The following RP1 variants were observed in gnomAD, a reference collection of about 807,000 sequenced individuals.
The protein encoded by RP1 is RP1 axonemal microtubule associated, also known as oxygen-regulated protein 1.
A neutral mutation model predicts 14.8 loss-of-function variants in RP1; 16 were observed. That is an observed-to-expected ratio of 1.08 (90% CI 0.73 to 1.65). The LOEUF is 1.65. Among genes scored for constraint, RP1 ranks in the 40% most tolerant of loss-of-function variants. The pLI is 0.00. For missense variants in RP1, 2,631 were observed against 2,535.0 expected (o/e 1.04, Z -0.81); for synonymous variants, 876 against 883.6 (o/e 0.99, Z 0.15).
intron 24 of RP1, among the ~76,000 whole-genome samples, chr8:54,806,394 A>G (rs542652148): frequency 6.6e-6 from 1 of 152,070 alleles, no homozygotes; most frequent in African/African-American, 2.4e-5. Flanking sequence ...AATCATGGAC[A>G]TTTATCTTAG....
chr8:54,794,648 A>T (rs1280878096), intron 24 of RP1, among the ~76,000 whole-genome samples: 3 of 152,090 alleles, frequency 2.0e-5, no homozygotes, highest in Admixed American at 2.0e-4. Context: ...GGCAAAACCC[A>T]CTTTTCCCTA....
At position 54,626,784 on chromosome 8, in the gene RP1, G is replaced by A. The variant is rs1806067164; in HGVS notation, c.2902G>A (p.Val968Ile). Residue 968 changes from valine to isoleucine, a missense_variant, in exon 4 of 4, where the codon GTT becomes ATT. Transcript: ENST00000220676. ...HTNSGKISNF[V>I]MESNKHITKI... ...AAATTCTGGAAAAATAAGTAATTTTGTTATGGAAAGTAATAAGCACATAAC... is the reference window on the plus strand; with the variant it reads ...AAATTCTGGAAAAATAAGTAATTTTATTATGGAAAGTAATAAGCACATAAC... 1.2e-6 allele frequency: 2 copies of A among 1,613,642 alleles called. No individual in the cohort carries two copies. The highest frequency in any genetic ancestry group is 1.3e-5 in the African/African-American group (1 of 74,918).
chr8:54,668,032 CAA>C (rs949317728), intron 7 of RP1, among the ~76,000 whole-genome samples: 3 of 151,858 alleles, frequency 2.0e-5, no homozygotes, highest in African/African-American at 7.3e-5. Context: ...AGAGACACAA[CAA>C]AAAAAGAGAA....
intron 19 of RP1, among the ~76,000 whole-genome samples, chr8:54,748,659 C>G (rs1033523957): frequency 6.6e-6 from 1 of 152,144 alleles, no homozygotes; most frequent in African/African-American, 2.4e-5. Context: ...ATTATATTTT[C>G]ATATTTCTGG....
chr8:54,712,332 C>G (rs1808310249), intron 15 of RP1, among the ~76,000 whole-genome samples: 1 of 152,288 alleles, frequency 6.6e-6, no homozygotes, highest in South Asian at 2.1e-4. Context: ...AAAATACTCA[C>G]TGTGCCAAGA....
At chr8:54,862,334 T>C (rs1323500305) in intron 27 of RP1, among the ~76,000 whole-genome samples, 1 of 152,208 alleles carries the variant, frequency 6.6e-6, no homozygotes, top group Non-Finnish European at 1.5e-5. Flanking sequence ...GTACACTTAA[T>C]TTTTGCCTTT....
chr8:54,608,459 C>T (rs1805513550), intron 1 of RP1, among the ~76,000 whole-genome samples: 1 of 152,060 alleles, frequency 6.6e-6, no homozygotes, highest in African/African-American at 2.4e-5. Context: ...GCCTGACTAA[C>T]CAAATGACTT....
chr8:54,589,835 C>A (rs1805006665), intron 1 of RP1, among the ~76,000 whole-genome samples: 1 of 152,198 alleles, frequency 6.6e-6, no homozygotes, highest in Admixed American at 6.5e-5. Context: ...ATTTCCACTG[C>A]CACTGGAATG....
chr8:54,776,359 G>A lies in RP1; in HGVS notation c.3451+6192G>A, dbSNP rs117096015. Among the ~76,000 whole-genome samples, 420 of 152,224 alleles carry A rather than the reference G, an allele frequency of 2.8e-3. 1 individual carries two copies. The highest frequency in any genetic ancestry group is 5.0e-3 in the Non-Finnish European group (341 of 68,000). ...TGGGACTATGTGCATATGCCACCAC[G>A]CCCAGCTAATTAAAAAGAAATTGTA... On this transcript the variant is annotated intron_variant, in intron 23 of 28. Transcript: ENST00000637698.
intron 6 of RP1, among the ~76,000 whole-genome samples, chr8:54,662,368 T>C (rs1300053256): frequency 6.6e-6 from 1 of 152,154 alleles, no homozygotes; most frequent in African/African-American, 2.4e-5. Context: ...TGGATCTTTC[T>C]TTTGGTCCTT....
At chr8:54,853,866 G>A (rs1056517124) in intron 26 of RP1, among the ~76,000 whole-genome samples, 3 of 83,532 alleles carry the variant, frequency 3.6e-5, no homozygotes, top group East Asian at 7.1e-4. Context: ...GAGAAAGAAA[G>A]AAAAGAAAAA....
At chr8:54,727,103 T>C (rs1467143170) in intron 17 of RP1, among the ~76,000 whole-genome samples, 1 of 152,158 alleles carries the variant, frequency 6.6e-6, no homozygotes, top group Non-Finnish European at 1.5e-5. Context: ...AATTATAATG[T>C]TACCTTTAAA....
intron 12 of RP1, chr8:54,696,547 G>C (rs1205356859): frequency 1.3e-6 from 1 of 750,812 alleles, no homozygotes; most frequent in Non-Finnish European, 2.3e-6. Flanking sequence ...TCAGGTTTAA[G>C]TGACTGGAAT....
chr8:54,571,019 A>T (rs1339358018), intron 1 of RP1, among the ~76,000 whole-genome samples: 2 of 152,130 alleles, frequency 1.3e-5, no homozygotes, highest in African/African-American at 4.8e-5. Flanking sequence ...CCGTCATCAC[A>T]TCCCACAGGA....
intron 24 of RP1, among the ~76,000 whole-genome samples, chr8:54,831,529 A>C (rs1811529190): frequency 6.6e-6 from 1 of 150,804 alleles, no homozygotes; most frequent in Non-Finnish European, 1.5e-5. Flanking sequence ...AGTAAACTTT[A>C]AAAAGTGCTA....
In RP1 at chr8:54,627,098, T is replaced by C. The variant is rs926323176; in HGVS notation, c.3216T>C (p.Asp1072=). 4 of 1,613,908 alleles carry C rather than the reference T, an allele frequency of 2.5e-6. No individual in the cohort carries two copies. Among genetic ancestry groups the C allele is most frequent in the Non-Finnish European group, 3.4e-6 (4 of 1,179,976 alleles). Residue 1072 remains aspartate (D), a synonymous_variant, in exon 4 of 4, where the codon GAT becomes GAC. Coordinates refer to ENST00000220676, the MANE Select transcript of RP1 (RefSeq NM_006269.2). The part of the protein sequence containing the change: ...RQSVEAAIQV[D]PIEEETPKDL... ...GTGTAGAGGCTGCCATTCAAGTAGA[T>C]CCTATAGAAGAGGAAACTCCAAAAG...
intron 25 of RP1, among the ~76,000 whole-genome samples, chr8:54,847,150 G>T (rs1178762838): frequency 6.6e-6 from 1 of 152,104 alleles, no homozygotes; most frequent in Non-Finnish European, 1.5e-5. Flanking sequence ...GGAGACAGAG[G>T]GGAGGGAGGG....
At chr8:54,730,917 A>G (rs1011083600) in intron 17 of RP1, among the ~76,000 whole-genome samples, 9 of 152,122 alleles carry the variant, frequency 5.9e-5, no homozygotes, top group African/African-American at 1.7e-4. Flanking sequence ...TTTGCAGATT[A>G]TATGTTTTGA....
chr8:54,870,435 C>G (rs1015918099), exon 29 of RP1: 1 of 152,170 alleles, frequency 6.6e-6, no homozygotes. Context: ...TGGTATGTCT[C>G]TCTCAGAATT....
Sources: allele counts gnomAD v4.1 joint callset (sites outside exome capture counted in the v4.1 genomes callset), GRCh38; gene constraint gnomAD v4.1.1; transcripts MANE v1.5; gene names NCBI Gene and HGNC (gene_info 2026-07-23, HGNC 2026-07-21).